The following RBFOX3 variants were observed in gnomAD, a reference collection of about 807,000 sequenced individuals.
The protein encoded by RBFOX3 is RNA binding fox-1 homolog 3.
Under a neutral mutation model 48.7 loss-of-function variants are expected in RBFOX3, and 17 were observed. That is an observed-to-expected ratio of 0.35 (90% CI 0.24 to 0.52). RBFOX3 has a LOEUF of 0.52. RBFOX3 is among the 20% of genes least tolerant of loss of function. The pLI is 0.94. For synonymous variants in RBFOX3, 212 were observed against 209.5 expected (o/e 1.01, Z -0.10); for missense variants, 382 against 497.5 (o/e 0.77, Z 2.21).
intron 2 of RBFOX3, among the ~76,000 whole-genome samples, chr17:79,312,456 G>A (rs539783516): frequency 4.6e-5 from 7 of 152,238 alleles, no homozygotes; most frequent in Middle Eastern, 3.4e-3. Context: ...GCCACCAGAT[G>A]CACTGTGAGG....
At chr17:79,128,637 T>C (rs1235874649) in intron 4 of RBFOX3, among the ~76,000 whole-genome samples, 1 of 152,144 alleles carries the variant, frequency 6.6e-6, no homozygotes, top group Admixed American at 6.5e-5. Flanking sequence ...CAGAGGCCCC[T>C]GACCAGCATG....
chr17:79,656,763 AAG>A, the RBFOX3 span, among the ~76,000 whole-genome samples: 45 of 38,494 alleles, frequency 1.2e-3, no homozygotes, highest in African/African-American at 2.5e-3. Context: ...GGAAGGAAGG[AAG>A]GAAGGAAGGA....
chr17:79,209,138 C>T (rs1292282816), intron 4 of RBFOX3, among the ~76,000 whole-genome samples: 2 of 152,212 alleles, frequency 1.3e-5, no homozygotes, highest in African/African-American at 2.4e-5. Flanking sequence ...TCTTTCTGTA[C>T]GTGCCCATTC....
rs372004810 is a variant in RBFOX3, at chr17:79,257,828, G to A, written c.-73-22023C>T. Among the ~76,000 whole-genome samples, 5 of 152,168 alleles carry A rather than the reference G, an allele frequency of 3.3e-5. No individual in the cohort carries two copies. In the East Asian group the frequency reaches 9.7e-4, roughly 29 times the overall value. ...ACTCCTGAGCTCAGGCAATACACTC[G>A]CCTCAGCCTCCCAAAGTGCTGGGAT... is the stretch of plus-strand genomic sequence containing the variant. On this transcript the variant is annotated intron_variant, in intron 3 of 14. Coordinates refer to ENST00000693108, the MANE Select transcript of RBFOX3 (RefSeq NM_001350451.2).
chr17:79,177,810 G>A (rs951957923), intron 4 of RBFOX3, among the ~76,000 whole-genome samples: 3 of 152,172 alleles, frequency 2.0e-5, no homozygotes, highest in Non-Finnish European at 4.4e-5. Flanking sequence ...GCCTCTTTAA[G>A]GGACCTGAAA....
chr17:79,520,196 C>T (rs1271653262), intron 1 of RBFOX3, among the ~76,000 whole-genome samples: 5 of 152,230 alleles, frequency 3.3e-5, no homozygotes, highest in African/African-American at 9.6e-5. Context: ...TGGGGCTCAC[C>T]GGGCAATGTG....
intron 2 of RBFOX3, among the ~76,000 whole-genome samples, chr17:79,351,995 G>A (rs919728692): frequency 7.9e-5 from 12 of 151,128 alleles, no homozygotes; most frequent in East Asian, 6.0e-4. Context: ...TGTGAACCCC[G>A]GCTTCTACTG....
chr17:79,392,006 G>A lies in RBFOX3; in HGVS notation c.-174-84182C>T, dbSNP rs1391404733. Among the ~76,000 whole-genome samples the A allele has an allele frequency of 6.6e-6, 1 of 152,176 alleles. No individual in the cohort carries two copies. The highest frequency in any genetic ancestry group is 1.9e-4 in the East Asian group (1 of 5,198). On this transcript the variant is annotated intron_variant, in intron 2 of 14. Transcript: ENST00000693108. The surrounding 1 kb of genome is among the most constrained non-coding windows in gnomAD (Gnocchi z 5.0). ...GGCAACGCTCCCGCCAGGGCCCCGCGATGGTCAGGCTTTCTGCCGTCTTGG... is the reference window on the plus strand; with the variant it reads ...GGCAACGCTCCCGCCAGGGCCCCGCAATGGTCAGGCTTTCTGCCGTCTTGG...
At chr17:79,106,602 A>T (rs2077426655) in intron 6 of RBFOX3, 49 bp downstream of exon 6, 2 of 1,408,476 alleles carry the variant, frequency 1.4e-6, no homozygotes, top group African/African-American at 3.0e-5. Context: ...GCCACCCTGG[A>T]GCTGGGGCAG....
At chr17:79,281,712 G>T (rs1380557136) in intron 3 of RBFOX3, among the ~76,000 whole-genome samples, 1 of 152,254 alleles carries the variant, frequency 6.6e-6, no homozygotes, top group Non-Finnish European at 1.5e-5. Context: ...ACACCCAATG[G>T]TGTATGCATT....
intron 9 of RBFOX3, chr17:79,098,542 C>G (rs2075830211): frequency 6.6e-6 from 1 of 152,250 alleles, no homozygotes; most frequent in South Asian, 2.1e-4. Context: ...AGTGGCAGAG[C>G]CAGGGATCCC....
At chr17:79,400,237 A>C (rs1336770784) in intron 2 of RBFOX3, among the ~76,000 whole-genome samples, 1 of 152,146 alleles carries the variant, frequency 6.6e-6, no homozygotes, top group Non-Finnish European at 1.5e-5. Flanking sequence ...CAGGAGCCCC[A>C]AACCAAGGGG....
At chr17:79,280,269 C>A (rs1162731001) in intron 3 of RBFOX3, among the ~76,000 whole-genome samples, 3 of 151,950 alleles carry the variant, frequency 2.0e-5, no homozygotes, top group Admixed American at 6.6e-5. Flanking sequence ...ACCCTCCACA[C>A]ACATGCATAT....
chr17:79,417,047 C>T (rs2065487681), intron 2 of RBFOX3, among the ~76,000 whole-genome samples: 1 of 152,214 alleles, frequency 6.6e-6, no homozygotes, highest in Admixed American at 6.5e-5. Context: ...CCACCCTGTC[C>T]CTGCCGCTCT....
the RBFOX3 span, among the ~76,000 whole-genome samples, chr17:79,620,584 C>G: frequency 1.2e-5 from 1 of 80,350 alleles, no homozygotes; most frequent in Non-Finnish European, 2.7e-5. Flanking sequence ...CACACACGCA[C>G]GCACACACAC....
At chr17:79,289,140 C>T (rs56750285) in intron 3 of RBFOX3, among the ~76,000 whole-genome samples, 7,715 of 152,264 alleles carry the variant, frequency 0.051, 661 homozygotes, top group African/African-American at 0.18. Flanking sequence ...AGACACGCCC[C>T]TATGCAGAGC....
chr17:79,318,458 C>G (rs1374221607), intron 2 of RBFOX3, among the ~76,000 whole-genome samples: 1 of 152,194 alleles, frequency 6.6e-6, no homozygotes, highest in Non-Finnish European at 1.5e-5. Flanking sequence ...CTCAGCAATG[C>G]AGTTGAGCAA....
At chr17:79,229,699 AC>A (rs2060778612) in intron 4 of RBFOX3, among the ~76,000 whole-genome samples, 1 of 152,192 alleles carries the variant, frequency 6.6e-6, no homozygotes, top group East Asian at 1.9e-4. Context: ...AGAAATCCAA[AC>A]CCGTGAAATC....
intron 8 of RBFOX3, among the ~76,000 whole-genome samples, chr17:79,101,845 C>G (rs912970338): frequency 2.0e-5 from 3 of 152,208 alleles, no homozygotes; most frequent in African/African-American, 2.4e-5. Flanking sequence ...GCCCAGGACC[C>G]CAGACCCAGG....
Sources: allele counts gnomAD v4.1 joint callset (sites outside exome capture counted in the v4.1 genomes callset), GRCh38; gene constraint gnomAD v4.1.1; non-coding constraint Gnocchi (gnomAD v3.1); transcripts MANE v1.5; gene names NCBI Gene and HGNC (gene_info 2026-07-23, HGNC 2026-07-21).